TIMM23: variants seen among roughly 807,000 people sequenced by gnomAD.
The protein encoded by TIMM23 is mitochondrial import inner membrane translocase subunit Tim23.
TIMM23 carries 19 observed loss-of-function variants against 30.7 expected under a neutral mutation model. The ratio of observed to expected loss-of-function variants is 0.62; its 90% CI spans 0.43 to 0.91. The LOEUF (loss-of-function observed/expected upper bound fraction) is 0.91, where lower values mean the gene tolerates loss of function less well. TIMM23 is among the 40% of genes least tolerant of loss of function. The pLI is 0.00. For synonymous variants in TIMM23, 78 were observed against 98.5 expected (o/e 0.79, Z 1.23); for missense variants, 202 against 269.2 (o/e 0.75, Z 1.75).
intron 2 of TIMM23, among the ~76,000 whole-genome samples, chr10:45,979,515 A>G: frequency 6.7e-6 from 1 of 148,732 alleles, no homozygotes; most frequent in South Asian, 2.1e-4. Flanking sequence ...TTGGTTGCCC[A>G]GGCTGGTCTC....
intron 6 of TIMM23, among the ~76,000 whole-genome samples, chr10:46,000,197 T>C (rs891626363): frequency 1.3e-5 from 2 of 152,340 alleles, no homozygotes; most frequent in Middle Eastern, 3.4e-3. Context: ...GACAGCGGCA[T>C]AGGAAATCAC....
intron 6 of TIMM23, among the ~76,000 whole-genome samples, chr10:45,997,662 C>T (rs1212529863): frequency 6.6e-6 from 1 of 151,932 alleles, no homozygotes; most frequent in African/African-American, 2.4e-5. Flanking sequence ...AAATTTAGCC[C>T]GGTATGGTGG....
At chr10:45,973,447 G>A (rs1290120801) in intron 1 of TIMM23, among the ~76,000 whole-genome samples, 1 of 152,164 alleles carries the variant, frequency 6.6e-6, no homozygotes, top group Non-Finnish European at 1.5e-5. Context: ...GCAGTTGGTC[G>A]TGGATAAAGC....
intron 1 of TIMM23, among the ~76,000 whole-genome samples, chr10:45,974,407 G>C (rs1486372770): frequency 3.3e-5 from 5 of 152,172 alleles, no homozygotes; most frequent in Non-Finnish European, 7.4e-5. Flanking sequence ...TGGGAGGCAA[G>C]TATCCAGGAA....
intron 2 of TIMM23, among the ~76,000 whole-genome samples, chr10:45,981,490 C>T (rs1837843126): frequency 6.6e-6 from 1 of 151,820 alleles, no homozygotes; most frequent in Non-Finnish European, 1.5e-5. Context: ...TATTGCCCAA[C>T]AGACCATTCT....
intron 5 of TIMM23, among the ~76,000 whole-genome samples, chr10:45,986,936 G>A (rs1427252303): frequency 3.3e-5 from 5 of 152,182 alleles, no homozygotes; most frequent in Non-Finnish European, 7.4e-5. Flanking sequence ...AGCTACTATT[G>A]ATGTTTCTTC....
At chr10:45,999,508 A>G (rs1190316497) in intron 6 of TIMM23, among the ~76,000 whole-genome samples, 1 of 152,054 alleles carries the variant, frequency 6.6e-6, no homozygotes, top group Admixed American at 6.6e-5. Context: ...CGCAAAAACC[A>G]GCAAGTTTTT....
intron 6 of TIMM23, among the ~76,000 whole-genome samples, chr10:45,997,058 C>G (rs1375082428): frequency 6.6e-6 from 1 of 150,654 alleles, no homozygotes; most frequent in Non-Finnish European, 1.5e-5. Context: ...CTAGCCTGGA[C>G]AACATAGCTA....
intron 6 of TIMM23, among the ~76,000 whole-genome samples, chr10:45,991,751 CAAA>C (rs1175540265): frequency 7.5e-6 from 1 of 133,936 alleles, no homozygotes; most frequent in African/African-American, 2.8e-5. Context: ...AACTCTGTCT[CAAA>C]AAAAAAAAGA....
intron 2 of TIMM23, among the ~76,000 whole-genome samples, chr10:45,976,470 G>A (rs1483509929): frequency 6.7e-6 from 1 of 148,322 alleles, no homozygotes; most frequent in Non-Finnish European, 1.5e-5. Context: ...AATTAGCCAG[G>A]CGTGGTGGTG....
chr10:45,993,412 C>A (rs1590126342), intron 6 of TIMM23, among the ~76,000 whole-genome samples: 1 of 152,000 alleles, frequency 6.6e-6, no homozygotes, highest in East Asian at 1.9e-4. Context: ...ACCACGATGC[C>A]TGGCTAATTT....
chr10:45,998,508 T>C lies in TIMM23; in HGVS notation c.515-4695T>C, dbSNP rs1838415537. The C allele has an allele frequency of 6.0e-6, 3 of 497,220 alleles. No individual in the cohort carries two copies. The Admixed American group carries it at 1.9e-4, about 32-fold the overall frequency. 30.8% of individuals were successfully genotyped at this position (497,220 alleles called of 1,614,324 possible). A position where few individuals can be genotyped will look rare whatever the true frequency, so the allele number is the denominator to read the frequency against. ...TTGCTTATCAACTTCCTGTGCTTAG[T>C]TGTGTAGAGTTGTTTGAGTAAAGAA... On this transcript the variant is annotated intron_variant, in intron 6 of 6. Coordinates refer to ENST00000580018, the MANE Select transcript of TIMM23 (RefSeq NM_006327.4).
At chr10:45,993,291 A>C (rs1838227125) in intron 6 of TIMM23, among the ~76,000 whole-genome samples, 1 of 142,194 alleles carries the variant, frequency 7.0e-6, no homozygotes, top group Non-Finnish European at 1.5e-5. Flanking sequence ...CGTTGGCCAG[A>C]CTGGAGTGCA....
intron 6 of TIMM23, among the ~76,000 whole-genome samples, chr10:45,993,244 C>CT (rs782013689): frequency 0.5 from 36,380 of 72,202 alleles, 10,971 homozygotes; most frequent in South Asian, 0.72. Flanking sequence ...TCTACCATCA[C>CT]TTTTTTTTTT....
At chr10:46,002,810 ATTTTTTTTT>A (rs386371331) in intron 6 of TIMM23, among the ~76,000 whole-genome samples, 15 of 95,076 alleles carry the variant, frequency 1.6e-4, no homozygotes, top group African/African-American at 6.4e-4. Flanking sequence ...ATTTCATAGT[ATTTTTTTTT>A]TTTTTTTTTT....
chr10:45,989,645 T>C (rs1838097580), intron 6 of TIMM23, among the ~76,000 whole-genome samples: 1 of 152,232 alleles, frequency 6.6e-6, no homozygotes, highest in Non-Finnish European at 1.5e-5. Context: ...GGTTTTGTTT[T>C]AAACAATAGT....
At chr10:45,997,332 A>G (rs978074987) in intron 6 of TIMM23, among the ~76,000 whole-genome samples, 1 of 14,956 alleles carries the variant, frequency 6.7e-5, no homozygotes, top group South Asian at 2.6e-3. Context: ...TAGGCCATCT[A>G]TAAAAAAAAA....
At chr10:45,992,484 G>T (rs1838193500) in intron 6 of TIMM23, 1 of 455,518 alleles carries the variant, frequency 2.2e-6, no homozygotes. Context: ...TAACTCTTTA[G>T]AAGTTTTATA....
chr10:45,999,057 T>C (rs1838436040), intron 6 of TIMM23, among the ~76,000 whole-genome samples: 1 of 152,168 alleles, frequency 6.6e-6, no homozygotes, highest in African/African-American at 2.4e-5. Context: ...GGTCTTGAAC[T>C]CCTGACCTCA....
Sources: gnomAD v4.1 joint callset for allele counts (sites outside exome capture counted in the v4.1 genomes callset) on GRCh38, gnomAD v4.1.1 for gene constraint, MANE v1.5 for transcripts, NCBI Gene and HGNC (gene_info 2026-07-23, HGNC 2026-07-21) for gene names.